The following RHOJ variants were observed in gnomAD, a reference collection of about 807,000 sequenced individuals.
The protein encoded by RHOJ is rho-related GTP-binding protein RhoJ.
RHOJ carries 11 observed loss-of-function variants against 23.4 expected under a neutral mutation model. The ratio of observed to expected loss-of-function variants is 0.47; its 90% CI spans 0.30 to 0.78. The LOEUF (loss-of-function observed/expected upper bound fraction) is 0.78, where lower values mean the gene tolerates loss of function less well. Among genes scored for constraint, RHOJ ranks in the 30% least tolerant of loss-of-function variants. The pLI is 0.08. For missense variants in RHOJ, 254 were observed against 273.4 expected (o/e 0.93, Z 0.50); for synonymous variants, 102 against 102.7 (o/e 0.99, Z 0.04).
At chr14:63,254,118 A>G (rs1895120173) in intron 1 of RHOJ, among the ~76,000 whole-genome samples, 2 of 152,046 alleles carry the variant, frequency 1.3e-5, no homozygotes, top group South Asian at 4.1e-4. Flanking sequence ...GCCTTATGTC[A>G]CACAGGACCG....
chr14:63,244,276 T>G (rs1298041349), intron 1 of RHOJ, among the ~76,000 whole-genome samples: 1 of 152,072 alleles, frequency 6.6e-6, no homozygotes, highest in Non-Finnish European at 1.5e-5. Context: ...CAAAAAAAGG[T>G]AATGTTCTGG....
chr14:63,266,765 C>T (rs1895374800), intron 1 of RHOJ, among the ~76,000 whole-genome samples: 1 of 152,130 alleles, frequency 6.6e-6, no homozygotes, highest in Admixed American at 6.6e-5. Flanking sequence ...TATCCTGAAC[C>T]TTTACTGAAG....
chr14:63,257,179 A>C (rs1895183360), intron 1 of RHOJ, among the ~76,000 whole-genome samples: 1 of 142,884 alleles, frequency 7.0e-6, no homozygotes, highest in African/African-American at 2.6e-5. Flanking sequence ...TGGAGGTTGC[A>C]GTGAGACGAA....
intron 1 of RHOJ, among the ~76,000 whole-genome samples, chr14:63,261,349 C>T (rs150601627): frequency 5.3e-5 from 8 of 152,152 alleles, no homozygotes; most frequent in Admixed American, 2.6e-4. Context: ...TTTTTGATAA[C>T]ATCAAAAGTT....
chr14:63,279,854 G>T (rs1360115181), intron 2 of RHOJ, among the ~76,000 whole-genome samples: 1 of 152,128 alleles, frequency 6.6e-6, no homozygotes, highest in African/African-American at 2.4e-5. Context: ...ATTAAATTTG[G>T]ATATAATTTT....
At chr14:63,238,670 C>A (rs1465509233) in intron 1 of RHOJ, among the ~76,000 whole-genome samples, 2 of 152,158 alleles carry the variant, frequency 1.3e-5, no homozygotes, top group Non-Finnish European at 2.9e-5. Context: ...AATCTGCCCA[C>A]CTCGGCCTCC....
chr14:63,253,816 A>G (rs765177455), intron 1 of RHOJ, among the ~76,000 whole-genome samples: 1 of 152,240 alleles, frequency 6.6e-6, no homozygotes, highest in Non-Finnish European at 1.5e-5. Context: ...TGTGATAGTT[A>G]AAAACACACA....
intron 1 of RHOJ, among the ~76,000 whole-genome samples, chr14:63,218,506 T>C (rs1325586575): frequency 1.3e-5 from 2 of 152,250 alleles, no homozygotes; most frequent in Non-Finnish European, 2.9e-5. Context: ...ATCATTTTAA[T>C]AGATAGTCTA....
intron 1 of RHOJ, among the ~76,000 whole-genome samples, chr14:63,236,094 C>T (rs1342477113): frequency 6.6e-6 from 1 of 152,140 alleles, no homozygotes; most frequent in Non-Finnish European, 1.5e-5. Flanking sequence ...TATAACAAAC[C>T]TTCCTTTCTA....
chr14:63,219,913 GCA>G (rs1467293892), intron 1 of RHOJ, among the ~76,000 whole-genome samples: 8 of 152,180 alleles, frequency 5.3e-5, no homozygotes, highest in Admixed American at 4.6e-4. Context: ...TAAGAGAAAG[GCA>G]GCAGTACATT....
intron 1 of RHOJ, among the ~76,000 whole-genome samples, chr14:63,252,865 G>A (rs72712563): frequency 0.085 from 12,950 of 152,024 alleles, 644 homozygotes; most frequent in East Asian, 0.11. Flanking sequence ...CTCCCACTTC[G>A]GCCTTCCCAG....
At chr14:63,256,462 CT>C (rs1895167168) in intron 1 of RHOJ, among the ~76,000 whole-genome samples, 1 of 152,096 alleles carries the variant, frequency 6.6e-6, no homozygotes, top group African/African-American at 2.4e-5. Context: ...GAGGCGTAAG[CT>C]TCACAAGATA....
At chr14:63,283,354 C>T (rs750053221) in intron 4 of RHOJ, 138 bp downstream of exon 4, 6 of 721,516 alleles carry the variant, frequency 8.3e-6, no homozygotes, top group Non-Finnish European at 1.4e-5. Context: ...TTCTATTCTC[C>T]CCCTCTGTTC....
chr14:63,223,825 T>A (rs1894542722), intron 1 of RHOJ, among the ~76,000 whole-genome samples: 1 of 149,672 alleles, frequency 6.7e-6, no homozygotes, highest in Non-Finnish European at 1.5e-5. Flanking sequence ...ATGTTTTAAT[T>A]TTTTTCCATG....
At chr14:63,240,386 G>C (rs1894862749) in intron 1 of RHOJ, among the ~76,000 whole-genome samples, 1 of 152,140 alleles carries the variant, frequency 6.6e-6, no homozygotes, top group African/African-American at 2.4e-5. Flanking sequence ...GGAGCAATTT[G>C]GACCGAAATC....
At chr14:63,287,179 G>A (rs1882109626) in intron 4 of RHOJ, among the ~76,000 whole-genome samples, 1 of 151,766 alleles carries the variant, frequency 6.6e-6, no homozygotes, top group African/African-American at 2.4e-5. Flanking sequence ...CATTAATTTT[G>A]CTCTTTCAGC....
intron 1 of RHOJ, among the ~76,000 whole-genome samples, chr14:63,244,175 T>C (rs1318368562): frequency 6.6e-6 from 1 of 152,168 alleles, no homozygotes; most frequent in Non-Finnish European, 1.5e-5. Context: ...TCAGAAAAAT[T>C]TGTTGGCAGT....
intron 1 of RHOJ, among the ~76,000 whole-genome samples, chr14:63,224,150 A>G (rs1349188103): frequency 6.6e-6 from 1 of 152,208 alleles, no homozygotes; most frequent in African/African-American, 2.4e-5. Context: ...TGAGTAATAA[A>G]TCACTTAATT....
intron 1 of RHOJ, among the ~76,000 whole-genome samples, chr14:63,211,514 G>C (rs1039606030): frequency 9.9e-5 from 15 of 152,270 alleles, no homozygotes; most frequent in Middle Eastern, 3.4e-3. Context: ...TACTTATAGA[G>C]TATATGTGAT....
Sources: allele counts gnomAD v4.1 joint callset (sites outside exome capture counted in the v4.1 genomes callset), GRCh38; gene constraint gnomAD v4.1.1; transcripts MANE v1.5; gene names NCBI Gene and HGNC (gene_info 2026-07-23, HGNC 2026-07-21).